Variants in COL23A1 observed in about 807,000 individuals in gnomAD.
COL23A1 encodes collagen type XXIII alpha 1 chain.
COL23A1 carries 97 observed loss-of-function variants against 99.3 expected under a neutral mutation model. The observed-to-expected ratio is 0.98, with a 90% confidence interval of 0.83 to 1.16. The LOEUF is 1.16. COL23A1 is among the 50% of genes most tolerant of loss of function. The probability of loss-of-function intolerance (pLI) is 0.00; values close to 1 mark genes in which losing one functional copy is unlikely to be tolerated. For missense variants in COL23A1, 762 were observed against 757.4 expected (o/e 1.01, Z -0.07); for synonymous variants, 320 against 308.2 (o/e 1.04, Z -0.40).
At position 178,307,556 on chromosome 5, in the gene COL23A1, T is replaced by C. The variant is rs529648573; in HGVS notation, c.362-637A>G. ...TCCGCGCGCTATAAGCCCTTCTGAA[T>C]TTACGGTGCAGAACCCCCTACCTCC... On this transcript the variant is annotated intron_variant, in intron 2 of 28. Coordinates refer to ENST00000390654, the MANE Select transcript of COL23A1 (RefSeq NM_173465.4). This position sits in a 1 kb window ranked among gnomAD's most constrained non-coding sequence, Gnocchi z 4.2. 3.3e-5 allele frequency among the ~76,000 whole-genome samples: 5 copies of C among 152,276 alleles called. No individual in the cohort carries two copies. The East Asian group carries it at 9.7e-4, about 29-fold the overall frequency.
intron 2 of COL23A1, among the ~76,000 whole-genome samples, chr5:178,425,530 C>T (rs73803093): frequency 0.013 from 2,024 of 152,048 alleles, 42 homozygotes; most frequent in African/African-American, 0.046. Context: ...TTTCCTCATC[C>T]GCAAAAAGGT....
chr5:178,252,831 G>A (rs55817617), intron 16 of COL23A1, among the ~76,000 whole-genome samples: 49,191 of 152,136 alleles, frequency 0.32, 8,193 homozygotes, highest in East Asian at 0.58. Flanking sequence ...CAAGACACCA[G>A]TGTCTGCTGC....
chr5:178,510,642 A>G (rs1429459783), intron 2 of COL23A1, among the ~76,000 whole-genome samples: 2 of 152,116 alleles, frequency 1.3e-5, no homozygotes, highest in African/African-American at 4.8e-5. Context: ...CATTGTGTAC[A>G]TGTACCCTAA....
chr5:178,525,901 C>T (rs1341077378), intron 2 of COL23A1, among the ~76,000 whole-genome samples: 1 of 152,276 alleles, frequency 6.6e-6, no homozygotes, highest in African/African-American at 2.4e-5. Flanking sequence ...AAACTCTTTA[C>T]ACCTCATCAG....
At chr5:178,543,317 G>T (rs1478697507) in intron 2 of COL23A1, among the ~76,000 whole-genome samples, 1 of 152,150 alleles carries the variant, frequency 6.6e-6, no homozygotes, top group Non-Finnish European at 1.5e-5. Flanking sequence ...ACGTTGGCCA[G>T]GCTGGTCGTC....
rs946389811 is a variant in COL23A1 at position 178,548,817 on chromosome 5, A to T, written c.361+11865T>A. Among the ~76,000 whole-genome samples the T allele has an allele frequency of 3.9e-5, 6 of 152,136 alleles. No individual in the cohort carries two copies. The South Asian group carries it at 6.2e-4, about 16-fold the overall frequency. On this transcript the variant is annotated intron_variant, in intron 2 of 28. Transcript: ENST00000390654. ...CATTTGCTTTCTATACAGAATTTTTAAAAATGTCCATCAAGGCTTTTTAAT... is the reference window on the plus strand; with the variant it reads ...CATTTGCTTTCTATACAGAATTTTTTAAAATGTCCATCAAGGCTTTTTAAT...
chr5:178,580,461 C>T (rs565583245), intron 1 of COL23A1, among the ~76,000 whole-genome samples: 6 of 151,942 alleles, frequency 3.9e-5, no homozygotes, highest in African/African-American at 1.4e-4. Context: ...AGGACATCTG[C>T]AAGCTTTTTT....
intron 1 of COL23A1, among the ~76,000 whole-genome samples, chr5:178,587,359 C>T (rs756258678): frequency 4.8e-4 from 73 of 152,142 alleles, no homozygotes; most frequent in Non-Finnish European, 1.9e-4. Context: ...TCTTCATTAT[C>T]GGGCACATCA....
chr5:178,342,136 A>G (rs1472540843), intron 2 of COL23A1, among the ~76,000 whole-genome samples: 1 of 152,114 alleles, frequency 6.6e-6, no homozygotes, highest in Non-Finnish European at 1.5e-5. Flanking sequence ...CCTTTGCTGA[A>G]CCACTTCTGC....
At chr5:178,542,246 G>A (rs147330267) in intron 2 of COL23A1, among the ~76,000 whole-genome samples, 1,936 of 152,238 alleles carry the variant, frequency 0.013, 26 homozygotes, top group African/African-American at 0.044. Context: ...TAGAGACGGG[G>A]TTTTGCCACG....
At chr5:178,301,862 GCACCTCGCAC>G (rs1758053944) in intron 3 of COL23A1, among the ~76,000 whole-genome samples, 6 of 141,354 alleles carry the variant, frequency 4.2e-5, no homozygotes, top group Admixed American at 7.1e-5. Context: ...CTTCAATGCT[GCACCTCGCAC>G]AGCACAGCTT....
chr5:178,484,061 A>C (rs1372745539), intron 2 of COL23A1, among the ~76,000 whole-genome samples: 1 of 151,988 alleles, frequency 6.6e-6, no homozygotes, highest in Non-Finnish European at 1.5e-5. Flanking sequence ...TCTTCTGAGT[A>C]GCTGGGATTA....
At chr5:178,338,537 G>A (rs1338303032) in intron 2 of COL23A1, among the ~76,000 whole-genome samples, 3 of 152,172 alleles carry the variant, frequency 2.0e-5, no homozygotes, top group Non-Finnish European at 2.9e-5. Flanking sequence ...AAGAATGGGG[G>A]TAGCTCCTGG....
intron 2 of COL23A1, among the ~76,000 whole-genome samples, chr5:178,364,003 C>G (rs1391675416): frequency 6.6e-6 from 1 of 152,220 alleles, no homozygotes; most frequent in Non-Finnish European, 1.5e-5. Context: ...CCTGACTGTT[C>G]CCCATCAGAC....
At chr5:178,580,620 G>A (rs563533693) in intron 1 of COL23A1, among the ~76,000 whole-genome samples, 129 of 152,350 alleles carry the variant, frequency 8.5e-4, no homozygotes, top group Non-Finnish European at 1.4e-3. Flanking sequence ...TGGAGGTGGT[G>A]TGTGGCCTCT....
chr5:178,377,185 C>T (rs1266898052), intron 2 of COL23A1, among the ~76,000 whole-genome samples: 2 of 152,224 alleles, frequency 1.3e-5, no homozygotes, highest in African/African-American at 2.4e-5. Context: ...AGCATCCACC[C>T]AGCAGAGCTA....
At chr5:178,454,624 G>T (rs555243389) in intron 2 of COL23A1, among the ~76,000 whole-genome samples, 1 of 152,282 alleles carries the variant, frequency 6.6e-6, no homozygotes, top group South Asian at 2.1e-4. Flanking sequence ...CAGAAGAGCA[G>T]GCTCCCAGCA....
rs60516209 is a variant in COL23A1, at chr5:178,435,242, G to T, written c.361+125440C>A. Among the ~76,000 whole-genome samples the T allele has an allele frequency of 2.0e-5, 3 of 152,220 alleles. No individual in the cohort carries two copies. The South Asian group carries it at 6.2e-4, about 32-fold the overall frequency. ...ATTTTTTTCTCCTCTTTTAATCTCCGGATGAGGTGAAAGAAGGGAATGGGA... is the reference window on the plus strand; with the variant it reads ...ATTTTTTTCTCCTCTTTTAATCTCCTGATGAGGTGAAAGAAGGGAATGGGA... On this transcript the variant is annotated intron_variant, in intron 2 of 28. Coordinates refer to ENST00000390654, the MANE Select transcript of COL23A1 (RefSeq NM_173465.4).
rs368669795 is a variant in COL23A1, at chr5:178,245,744, CCATT to C, written c.1440+194_1440+197del. Among the ~76,000 whole-genome samples, 648 of 152,384 alleles carry C rather than the reference CCATT, an allele frequency of 4.3e-3. 3 individuals are homozygous for C. Among genetic ancestry groups the C allele is most frequent in the African/African-American group, 0.015 (630 of 41,596 alleles). On this transcript the variant is annotated intron_variant, in intron 25 of 28. Transcript: ENST00000390654. Reference sequence around the variant, plus strand: ...ATCCATTTATCCATCCATCAACAATCCATTCATCTATCCACAAAGGACCTACTCT... The same window carrying C: ...ATCCATTTATCCATCCATCAACAATCCATCTATCCACAAAGGACCTACTCT...
Sources: gnomAD v4.1 joint callset for allele counts (sites outside exome capture counted in the v4.1 genomes callset) on GRCh38, gnomAD v4.1.1 for gene constraint, Gnocchi (gnomAD v3.1) non-coding constraint, MANE v1.5 for transcripts, NCBI Gene and HGNC (gene_info 2026-07-23, HGNC 2026-07-21) for gene names.